LINC00305: variants seen among roughly 807,000 people sequenced by gnomAD.
LINC00305 encodes long intergenic non-protein coding RNA 305.
At chr18:64,144,655 C>G (rs2051488249) in intron 1 of LINC00305, among the ~76,000 whole-genome samples, 1 of 152,024 alleles carries the variant, frequency 6.6e-6, no homozygotes, top group Non-Finnish European at 1.5e-5. Flanking sequence ...ATTACAGGTG[C>G]CTGCCACCAC....
chr18:64,103,104 T>A (rs535974911), intron 1 of LINC00305, among the ~76,000 whole-genome samples: 1 of 152,328 alleles, frequency 6.6e-6, no homozygotes, highest in Non-Finnish European at 1.5e-5. Context: ...TTGACATACC[T>A]TCTTGGTCAC....
chr18:64,122,349 A>C (rs2051365639), intron 1 of LINC00305, among the ~76,000 whole-genome samples: 1 of 151,882 alleles, frequency 6.6e-6, no homozygotes, highest in Admixed American at 6.6e-5. Context: ...ATTCATCTTA[A>C]GTTGATTTTT....
intron 1 of LINC00305, among the ~76,000 whole-genome samples, chr18:64,130,018 A>G (rs570995642): frequency 3.3e-5 from 5 of 151,484 alleles, no homozygotes; most frequent in African/African-American, 1.2e-4. Context: ...TCTAGGGTAC[A>G]TGTGCACAAC....
At chr18:64,132,336 C>T (rs991017639) in intron 1 of LINC00305, among the ~76,000 whole-genome samples, 5 of 152,172 alleles carry the variant, frequency 3.3e-5, no homozygotes, top group South Asian at 2.1e-4. Context: ...TAATTTTAAA[C>T]GCTTGAGAAT....
At chr18:64,098,060 A>G (rs767779114) in intron 2 of LINC00305, 1 of 454,028 alleles carries the variant, frequency 2.2e-6, no homozygotes. Flanking sequence ...AAAATTAAAG[A>G]TTTATTACGT....
At chr18:64,132,337 G>A (rs893933914) in intron 1 of LINC00305, among the ~76,000 whole-genome samples, 4 of 152,112 alleles carry the variant, frequency 2.6e-5, no homozygotes, top group East Asian at 1.9e-4. Flanking sequence ...AATTTTAAAC[G>A]CTTGAGAATT....
At chr18:64,137,023 A>T (rs55704006) in intron 1 of LINC00305, among the ~76,000 whole-genome samples, 10,886 of 152,306 alleles carry the variant, frequency 0.071, 583 homozygotes, top group Non-Finnish European at 0.12. Context: ...AATGTGACTT[A>T]TTTGGAGATA....
intron 2 of LINC00305, chr18:64,098,464 A>T (rs2051255493): frequency 2.4e-6 from 1 of 409,602 alleles, no homozygotes; most frequent in Non-Finnish European, 4.7e-6. Context: ...GAGTTCATGT[A>T]CTCATAAGTA....
At chr18:64,104,148 C>A (rs1156457758) in intron 1 of LINC00305, 1 of 152,112 alleles carries the variant, frequency 6.6e-6, no homozygotes, top group Admixed American at 6.6e-5. Flanking sequence ...GAATGGGTAG[C>A]AAAGTTCATA....
At chr18:64,085,538 C>T (rs906132679) in intron 3 of LINC00305, among the ~76,000 whole-genome samples, 6 of 152,018 alleles carry the variant, frequency 3.9e-5, no homozygotes, top group African/African-American at 9.7e-5. Flanking sequence ...TCTCGGCTCA[C>T]GGCAACCTCT....
chr18:64,135,751 A>AT (rs1384639970), intron 1 of LINC00305, among the ~76,000 whole-genome samples: 1 of 151,758 alleles, frequency 6.6e-6, no homozygotes, highest in East Asian at 1.9e-4. Context: ...ATGCCTGGCA[A>AT]TTTTTTATAT....
chr18:64,129,456 C>G (rs1299199852), intron 1 of LINC00305, among the ~76,000 whole-genome samples: 1 of 152,030 alleles, frequency 6.6e-6, no homozygotes, highest in Non-Finnish European at 1.5e-5. Flanking sequence ...CCTTGGGTAC[C>G]AAGAGCTGCA....
intron 1 of LINC00305, among the ~76,000 whole-genome samples, chr18:64,133,028 G>A (rs1393368096): frequency 6.6e-6 from 1 of 152,166 alleles, no homozygotes; most frequent in Non-Finnish European, 1.5e-5. Flanking sequence ...GACACGATAT[G>A]GCAGAAGCTC....
chr18:64,120,693 C>A (rs941454369), intron 1 of LINC00305, among the ~76,000 whole-genome samples: 1 of 152,088 alleles, frequency 6.6e-6, no homozygotes, highest in Non-Finnish European at 1.5e-5. Context: ...GAGAGCAAGG[C>A]ATGAATGATA....
intron 1 of LINC00305, among the ~76,000 whole-genome samples, chr18:64,148,033 C>T (rs1313278388): frequency 6.6e-6 from 1 of 151,956 alleles, no homozygotes; most frequent in Non-Finnish European, 1.5e-5. Context: ...GCTGTGCTGA[C>T]CATGGGGCCC....
At chr18:64,139,153 C>T (rs549167487) in intron 1 of LINC00305, among the ~76,000 whole-genome samples, 1 of 152,332 alleles carries the variant, frequency 6.6e-6, no homozygotes, top group Non-Finnish European at 1.5e-5. Context: ...GTCTGAAATA[C>T]TTTTTAGCAA....
intron 3 of LINC00305, among the ~76,000 whole-genome samples, chr18:64,091,257 G>A (rs147011633): frequency 1.6e-3 from 240 of 152,282 alleles, no homozygotes; most frequent in African/African-American, 5.7e-3. Context: ...CATAATATAT[G>A]CTTTCCTTTT....
intron 1 of LINC00305, among the ~76,000 whole-genome samples, chr18:64,138,817 G>A (rs1272291862): frequency 6.6e-6 from 1 of 152,122 alleles, no homozygotes; most frequent in African/African-American, 2.4e-5. Context: ...TTCTTAGTAT[G>A]TAAAACTCAA....
intron 1 of LINC00305, among the ~76,000 whole-genome samples, chr18:64,143,958 A>T (rs1430215362): frequency 6.6e-6 from 1 of 152,140 alleles, no homozygotes; most frequent in Non-Finnish European, 1.5e-5. Context: ...ATACAGGTGA[A>T]TTTAAAAGGT....
Sources: gnomAD v4.1 joint callset for allele counts (sites outside exome capture counted in the v4.1 genomes callset) on GRCh38, gnomAD v4.1.1 for gene constraint, MANE v1.5 for transcripts, NCBI Gene and HGNC (gene_info 2026-07-23, HGNC 2026-07-21) for gene names.